Variants in COPS4 observed in about 807,000 individuals in gnomAD.
The protein encoded by COPS4 is COP9 signalosome complex subunit 4.
Under a neutral mutation model 55.1 loss-of-function variants are expected in COPS4, and 8 were observed. The ratio of observed to expected loss-of-function variants is 0.15; its 90% CI spans 0.09 to 0.26. The LOEUF is 0.26. Ranked by LOEUF, COPS4 falls within the 10% of genes least tolerant of loss-of-function variation. The probability of loss-of-function intolerance (pLI) is 1.00; values close to 1 mark genes in which losing one functional copy is unlikely to be tolerated. For synonymous variants in COPS4, 185 were observed against 165.7 expected (o/e 1.12, Z -0.90); for missense variants, 248 against 484.0 (o/e 0.51, Z 4.58).
At chr4:83,055,379 T>G (rs1730988380) in intron 4 of COPS4, among the ~76,000 whole-genome samples, 1 of 152,170 alleles carries the variant, frequency 6.6e-6, no homozygotes, top group Admixed American at 6.5e-5. Flanking sequence ...TTTTACATAC[T>G]GTTTTATCCA....
At chr4:83,038,355 G>C (rs1730477292) in intron 1 of COPS4, among the ~76,000 whole-genome samples, 1 of 152,228 alleles carries the variant, frequency 6.6e-6, no homozygotes, top group Admixed American at 6.5e-5. Flanking sequence ...GTACAGAGTT[G>C]AAATACCTTG....
At chr4:83,057,763 A>G (rs1378820070) in intron 6 of COPS4, among the ~76,000 whole-genome samples, 1 of 151,940 alleles carries the variant, frequency 6.6e-6, no homozygotes, top group African/African-American at 2.4e-5. Flanking sequence ...TCTACTAAAA[A>G]TACAAAAAAT....
chr4:83,069,778 T>C (rs1218563264), intron 9 of COPS4, among the ~76,000 whole-genome samples: 2 of 152,218 alleles, frequency 1.3e-5, no homozygotes, highest in African/African-American at 4.8e-5. Context: ...TAGATGTGAA[T>C]CTTTTTCTTC....
intron 2 of COPS4, among the ~76,000 whole-genome samples, chr4:83,046,068 T>G (rs1456117214): frequency 6.6e-6 from 1 of 152,094 alleles, no homozygotes; most frequent in Non-Finnish European, 1.5e-5. Context: ...CTGTAGTACA[T>G]CTAATGTACC....
intron 9 of COPS4, 73 bp from the exon 10 acceptor site, chr4:83,075,224 T>C (rs942186568): frequency 2.1e-6 from 3 of 1,403,788 alleles, no homozygotes; most frequent in Admixed American, 1.9e-5. Context: ...GTAAAAAGTA[T>C]ATATCTTTTA....
intron 4 of COPS4, among the ~76,000 whole-genome samples, chr4:83,050,606 C>G (rs1448437601): frequency 6.6e-6 from 1 of 152,106 alleles, no homozygotes; most frequent in African/African-American, 2.4e-5. Context: ...GCCACTGCAC[C>G]TGGCCGAATA....
chr4:83,037,038 G>A (rs1300786483), intron 1 of COPS4, among the ~76,000 whole-genome samples: 1 of 152,124 alleles, frequency 6.6e-6, no homozygotes, highest in Non-Finnish European at 1.5e-5. Flanking sequence ...GGATTCTATG[G>A]GTTGACTGGA....
chr4:83,053,385 T>G (rs1730935963), intron 4 of COPS4, among the ~76,000 whole-genome samples: 1 of 152,210 alleles, frequency 6.6e-6, no homozygotes, highest in African/African-American at 2.4e-5. Context: ...GATAAGTTAT[T>G]ACAATGAGTG....
chr4:83,057,437 G>T lies in COPS4; in HGVS notation c.715+29G>T. ...AACACGTAATAATTTATACTTAAAT[G>T]AACAGTTATCTTTGCTTAATAACTT... On this transcript the variant is annotated intron_variant, in intron 6 of 9. Transcript: ENST00000264389. 2.0e-6 allele frequency: 3 copies of T among 1,516,710 alleles called. No homozygotes were observed. In the South Asian group the frequency reaches 4.0e-5, roughly 20 times the overall value. The allele number at this position is 1,516,710 out of a possible 1,614,324, so 94.0% of individuals were successfully genotyped here. A position where few individuals can be genotyped will look rare whatever the true frequency, so the allele number is the denominator to read the frequency against.
chr4:83,065,809 G>A lies in COPS4; in HGVS notation c.887-629G>A, dbSNP rs72931151. Reference sequence around the variant, plus strand: ...TCACTTTATCAAGCTTGCAGAACAGGTTGCATGATTGTTGTGCTGCTGCTT... The same window carrying A: ...TCACTTTATCAAGCTTGCAGAACAGATTGCATGATTGTTGTGCTGCTGCTT... On this transcript the variant is annotated intron_variant, in intron 7 of 9. Coordinates refer to ENST00000264389, the MANE Select transcript of COPS4 (RefSeq NM_016129.3). 7.3e-3 allele frequency among the ~76,000 whole-genome samples: 1,107 copies of A among 152,334 alleles called. 10 individuals are homozygous for A. The highest frequency in any genetic ancestry group is 0.026 in the African/African-American group (1,073 of 41,570).
intron 6 of COPS4, among the ~76,000 whole-genome samples, chr4:83,059,170 T>A (rs1353860503): frequency 1.3e-5 from 2 of 152,226 alleles, no homozygotes; most frequent in Admixed American, 6.5e-5. Context: ...TCTTTAGATA[T>A]GAAGGAAAAT....
intron 8 of COPS4, among the ~76,000 whole-genome samples, chr4:83,067,642 G>A (rs1731322664): frequency 6.6e-6 from 1 of 151,728 alleles, no homozygotes; most frequent in South Asian, 2.1e-4. Context: ...GGGACTACAG[G>A]CATGAGTCAT....
rs1183458409 is a variant in COPS4, at chr4:83,046,412, A to G, written c.154+707A>G. 3.9e-5 allele frequency among the ~76,000 whole-genome samples: 6 copies of G among 152,344 alleles called. No individual in the cohort carries two copies. In the East Asian group the frequency reaches 7.7e-4, roughly 20 times the overall value. On this transcript the variant is annotated intron_variant, in intron 2 of 9. Transcript: ENST00000264389. ...GAATTTAAAGCAGAAGTACCATTCA[A>G]CCAGCAATTCCATTACTGAGTATAT...
chr4:83,075,476 G>A lies in COPS4; in HGVS notation c.*46G>A, dbSNP rs1412532935. ...CACATGACATCTTTTTCCATGTTGT[G>A]CAGATCAGTTTCACTATCTCCAAAG... is the stretch of plus-strand genomic sequence containing the variant. On this transcript the variant is annotated 3_prime_UTR_variant, in exon 10 of 10. Coordinates refer to ENST00000264389, the MANE Select transcript of COPS4 (RefSeq NM_016129.3). 2 of 1,608,690 alleles carry A rather than the reference G, an allele frequency of 1.2e-6. No homozygotes were observed. Among genetic ancestry groups the A allele is most frequent in the African/African-American group, 1.3e-5 (1 of 74,756 alleles).
rs140166684 is a variant in COPS4 at position 83,064,869 on chromosome 4, CTTTTTTTTTTTT to C, written c.887-1549_887-1538del. ...GCCACTGTGCCTGGTTAAGCAGTCC[CTTTTTTTTTTTT>C]TTTTTTTTTTTTTTTTTTTACTTTT... On this transcript the variant is annotated intron_variant, in intron 7 of 9. Coordinates refer to ENST00000264389, the MANE Select transcript of COPS4 (RefSeq NM_016129.3). Among the ~76,000 whole-genome samples the C allele has an allele frequency of 4.5e-4, 33 of 73,604 alleles. No homozygotes were observed. The Admixed American group carries it at 4.9e-3, about 11-fold the overall frequency. 48.3% of individuals were successfully genotyped at this position (73,604 alleles called of 152,430 possible). A position where few individuals can be genotyped will look rare whatever the true frequency, so the allele number is the denominator to read the frequency against.
chr4:83,045,730 T>C, intron 2 of COPS4, 25 bp downstream of exon 2: 1 of 1,517,274 alleles, frequency 6.6e-7, no homozygotes, highest in Non-Finnish European at 9.1e-7. Context: ...AATTTCATGC[T>C]TGCCTTGTAT....
chr4:83,075,398 G>C lies in COPS4; in HGVS notation c.1189G>C (p.Ala397Pro), dbSNP rs778751754. The C allele has an allele frequency of 1.2e-6, 2 of 1,614,166 alleles. No homozygotes were observed. The highest frequency in any genetic ancestry group is 2.2e-5 in the South Asian group (2 of 91,068). Residue 397 changes from alanine to proline, a missense_variant, in exon 10 of 10, where the codon GCA becomes CCA. Coordinates refer to ENST00000264389, the MANE Select transcript of COPS4 (RefSeq NM_016129.3). ...TAGTCAAACAGCACCAGAATGGACAGCACAAGCCATGGAAGCCCAGATGGC... is the reference window on the plus strand; with the variant it reads ...TAGTCAAACAGCACCAGAATGGACACCACAAGCCATGGAAGCCCAGATGGC... Reference protein sequence around the residue: ...KISQTAPEWTAQAMEAQMAQ With the variant: ...KISQTAPEWTPQAMEAQMAQ
intron 6 of COPS4, among the ~76,000 whole-genome samples, chr4:83,058,988 A>C (rs1731092347): frequency 6.6e-6 from 1 of 152,232 alleles, no homozygotes; most frequent in Non-Finnish European, 1.5e-5. Flanking sequence ...CTGGTAGATG[A>C]AAAACAGTAT....
chr4:83,071,396 A>AG, intron 9 of COPS4, among the ~76,000 whole-genome samples: 1 of 152,118 alleles, frequency 6.6e-6, no homozygotes, highest in Non-Finnish European at 1.5e-5. Flanking sequence ...GCCTTCCAGT[A>AG]TCAATTTGCT....
Sources: allele counts gnomAD v4.1 joint callset (sites outside exome capture counted in the v4.1 genomes callset), GRCh38; gene constraint gnomAD v4.1.1; transcripts MANE v1.5; gene names NCBI Gene and HGNC (gene_info 2026-07-23, HGNC 2026-07-21).